RBM17: variants seen among roughly 807,000 people sequenced by gnomAD.
RBM17 encodes the protein splicing factor 45.
In RBM17, 7 loss-of-function variants were observed where a neutral mutation model predicts 53.2. The ratio of observed to expected loss-of-function variants is 0.13; its 90% CI spans 0.07 to 0.25. RBM17 has a LOEUF of 0.25. Among genes scored for constraint, RBM17 ranks in the 10% least tolerant of loss-of-function variants. The pLI, the probability that RBM17 is intolerant of heterozygous loss-of-function variation, is 1.00. For synonymous variants in RBM17, 167 were observed against 178.1 expected (o/e 0.94, Z 0.50); for missense variants, 257 against 496.7 (o/e 0.52, Z 4.59).
intron 5 of RBM17, among the ~76,000 whole-genome samples, chr10:6,107,479 C>CTTTATTTTTTT (rs1840770238): frequency 1.8e-5 from 1 of 56,586 alleles, no homozygotes; most frequent in Non-Finnish European, 3.2e-5. Flanking sequence ...CACCCGGCCT[C>CTTTATTTTTTT]TTTTTTTTTT....
At chr10:6,090,395 G>C (rs1402451422) in intron 1 of RBM17, among the ~76,000 whole-genome samples, 1 of 152,216 alleles carries the variant, frequency 6.6e-6, no homozygotes, top group Non-Finnish European at 1.5e-5. Context: ...TGGGGTAACA[G>C]TTTAGTGAGC....
chr10:6,093,214 A>G (rs1340560016), intron 1 of RBM17, among the ~76,000 whole-genome samples: 2 of 151,728 alleles, frequency 1.3e-5, no homozygotes, highest in Admixed American at 1.3e-4. Context: ...TTGCCTATTT[A>G]TTTTTTATTT....
chr10:6,100,219 G>T (rs1262408375), intron 2 of RBM17, among the ~76,000 whole-genome samples: 1 of 152,140 alleles, frequency 6.6e-6, no homozygotes, highest in Non-Finnish European at 1.5e-5. Context: ...TTTTATAGTG[G>T]TAATGAAAAT....
chr10:6,107,573 C>G (rs1229013825), intron 5 of RBM17, among the ~76,000 whole-genome samples: 1 of 146,714 alleles, frequency 6.8e-6, no homozygotes, highest in Non-Finnish European at 1.5e-5. Flanking sequence ...CCTCCATCTC[C>G]TAGTTTCAAA....
intron 1 of RBM17, among the ~76,000 whole-genome samples, chr10:6,091,494 G>A (rs1171390704): frequency 3.9e-5 from 6 of 152,136 alleles, no homozygotes; most frequent in Non-Finnish European, 4.4e-5. Flanking sequence ...CTCGTTATTG[G>A]TTGTGTGGTG....
Position 6,112,118 on chromosome 10 carries a change from C to T in RBM17, c.705-92C>T. 7.4e-7 allele frequency: 1 copy of T among 1,360,536 alleles called. No individual in the cohort carries two copies. Among genetic ancestry groups the T allele is most frequent in the South Asian group, 1.3e-5 (1 of 76,346 alleles). 84.3% of individuals were successfully genotyped at this position (1,360,536 alleles called of 1,614,324 possible). ...GAAGCCCCTGTGGAGCATGCACTCT[C>T]TCCAGAAGGAGGTTGTTGTGATGGA... On this transcript the variant is annotated intron_variant, in intron 7 of 11. Transcript: ENST00000379888. The surrounding 1 kb of genome is among the most constrained non-coding windows in gnomAD (Gnocchi z 4.4).
chr10:6,104,321 T>G (rs1035696460), intron 3 of RBM17, among the ~76,000 whole-genome samples: 1 of 152,240 alleles, frequency 6.6e-6, no homozygotes, highest in Non-Finnish European at 1.5e-5. Context: ...TAAACCTGAT[T>G]TTAGTGAACC....
At chr10:6,105,259 C>T (rs1840732431) in intron 4 of RBM17, among the ~76,000 whole-genome samples, 162 bp downstream of exon 4, 1 of 152,194 alleles carries the variant, frequency 6.6e-6, no homozygotes, top group Admixed American at 6.5e-5. Context: ...GTACCTGTTA[C>T]ATCTCAGAAT....
At chr10:6,107,479 C>CTTTTTTTTTT (rs71390124) in intron 5 of RBM17, among the ~76,000 whole-genome samples, 2,873 of 56,520 alleles carry the variant, frequency 0.051, 565 homozygotes, top group Non-Finnish European at 0.068. Flanking sequence ...CACCCGGCCT[C>CTTTTTTTTTT]TTTTTTTTTT....
At position 6,097,096 on chromosome 10, in the gene RBM17, A is replaced by C. The variant is rs369073008; in HGVS notation, c.31A>C (p.Thr11Pro). Residue 11 changes from threonine (T) to proline (P), a missense_variant, in exon 2 of 12, where the codon ACC (threonine) becomes CCC (proline). Thr to Pro is a conservative substitution (Grantham distance 38, BLOSUM62 -1). This residue lies in a region of RBM17 where 127 missense variants were observed against 217.2 expected (regional missense o/e 0.58). Coordinates refer to ENST00000379888, the MANE Select transcript of RBM17 (RefSeq NM_032905.5). MSLYDDLGVE[T>P]SDSKTEGWSK... ...CCTGTACGATGACCTAGGAGTGGAG[A>C]CCAGTGACTCAAAAACAGAAGGCTG... is the stretch of plus-strand genomic sequence containing the variant. The C allele has an allele frequency of 9.9e-6, 16 of 1,613,822 alleles. No homozygotes were observed. The highest frequency in any genetic ancestry group is 1.4e-5 in the Non-Finnish European group (16 of 1,179,956).
chr10:6,108,876 TGAGGCC>T, intron 6 of RBM17, 134 bp downstream of exon 6: 1 of 477,482 alleles, frequency 2.1e-6, no homozygotes. Flanking sequence ...CTCTGTCACC[TGAGGCC>T]GCACCTGGAT....
chr10:6,092,480 A>G (rs1252463984), intron 1 of RBM17, among the ~76,000 whole-genome samples: 2 of 152,260 alleles, frequency 1.3e-5, no homozygotes, highest in East Asian at 3.8e-4. Context: ...AAAGGAGGAA[A>G]GCAAGGAAAT....
intron 11 of RBM17, 33 bp downstream of exon 11, chr10:6,115,344 A>G (rs1385755639): frequency 2.5e-6 from 4 of 1,582,430 alleles, no homozygotes; most frequent in Non-Finnish European, 3.5e-6. Flanking sequence ...AAAGAATAAA[A>G]AAGTTGAATT....
At chr10:6,113,913 A>G (rs2274356) in intron 9 of RBM17, 136 bp from the exon 10 acceptor site, 86,245 of 630,192 alleles carry the variant, frequency 0.14, 6,777 homozygotes, top group African/African-American at 0.26. Flanking sequence ...ACTTTTGGGT[A>G]CTTTGGGGAT....
At chr10:6,093,299 C>G (rs61839690) in intron 1 of RBM17, among the ~76,000 whole-genome samples, 2 of 152,022 alleles carry the variant, frequency 1.3e-5, no homozygotes, top group South Asian at 4.1e-4. Flanking sequence ...CTGCGACCTC[C>G]GCCTCCCGGG....
At chr10:6,096,877 T>G (rs1840585084) in intron 1 of RBM17, 171 bp from the exon 2 acceptor site, 1 of 488,740 alleles carries the variant, frequency 2.0e-6, no homozygotes, top group East Asian at 3.6e-5. Flanking sequence ...TAATCCATGG[T>G]CTAGCTTCAT....
rs761047931 is a variant in RBM17, at chr10:6,094,930, ATAGAGCAGTGAACAGAACAAC to A, written c.-18-2117_-18-2097del. ...GTTGGATATTGATCTTAGTCTGGGG[ATAGAGCAGTGAACAGAACAAC>A]CTGGATCTAGGTTTTCTTGGAGTTC... is the stretch of plus-strand genomic sequence containing the variant. On this transcript the variant is annotated intron_variant, in intron 1 of 11. Transcript: ENST00000379888. 5.5e-4 allele frequency among the ~76,000 whole-genome samples: 83 copies of A among 152,160 alleles called. 1 individual carries two copies. Among genetic ancestry groups the A allele is most frequent in the Non-Finnish European group, 9.8e-4 (67 of 68,034 alleles).
At chr10:6,108,934 G>T (rs1320554141) in intron 6 of RBM17, among the ~76,000 whole-genome samples, 192 bp downstream of exon 6, 3 of 152,108 alleles carry the variant, frequency 2.0e-5, no homozygotes, top group Non-Finnish European at 4.4e-5. Flanking sequence ...ACCTTTCTAC[G>T]CCAGGCTCTG....
chr10:6,098,567 T>TTTTTTTTTG (rs1564566252), intron 2 of RBM17, among the ~76,000 whole-genome samples: 1 of 51,324 alleles, frequency 1.9e-5, no homozygotes, highest in Non-Finnish European at 4.3e-5. Flanking sequence ...TTTTTTGTTT[T>TTTTTTTTTG]TTTTTTTTTT....
Sources: allele counts gnomAD v4.1 joint callset (sites outside exome capture counted in the v4.1 genomes callset), GRCh38; gene constraint gnomAD v4.1.1; regional missense constraint gnomAD v4.1.1; non-coding constraint Gnocchi (gnomAD v3.1); transcripts MANE v1.5; gene names NCBI Gene and HGNC (gene_info 2026-07-23, HGNC 2026-07-21).